ATP8A2: variants seen among roughly 807,000 people sequenced by gnomAD.
ATP8A2 encodes the protein ATPase phospholipid transporting 8A2.
Under a neutral mutation model 165.6 loss-of-function variants are expected in ATP8A2, and 100 were observed. That is an observed-to-expected ratio of 0.60 (90% CI 0.51 to 0.71). The LOEUF is 0.71. Among genes scored for constraint, ATP8A2 ranks in the 30% least tolerant of loss-of-function variants. The pLI, the probability that ATP8A2 is intolerant of heterozygous loss-of-function variation, is 0.00. For synonymous variants in ATP8A2, 543 were observed against 548.8 expected (o/e 0.99, Z 0.15); for missense variants, 1,227 against 1,479.5 (o/e 0.83, Z 2.80).
intron 25 of ATP8A2, among the ~76,000 whole-genome samples, chr13:25,767,598 C>T (rs2044517793): frequency 6.6e-6 from 1 of 152,182 alleles, no homozygotes. Context: ...AGAGTTAGTA[C>T]TCTTAAGTAT....
intron 1 of ATP8A2, among the ~76,000 whole-genome samples, chr13:25,425,048 G>A (rs2034405984): frequency 2.6e-5 from 4 of 152,260 alleles, no homozygotes; most frequent in South Asian, 2.1e-4. Flanking sequence ...CAGTGATGAC[G>A]GTGGAGATTC....
chr13:25,438,752 A>G (rs1211179577), intron 1 of ATP8A2, among the ~76,000 whole-genome samples: 1 of 152,238 alleles, frequency 6.6e-6, no homozygotes, highest in Non-Finnish European at 1.5e-5. Context: ...TAGTAAATTC[A>G]GCCTAGTTGG....
chr13:25,399,464 T>A (rs1372174053), intron 1 of ATP8A2, among the ~76,000 whole-genome samples: 1 of 120,518 alleles, frequency 8.3e-6, no homozygotes, highest in Non-Finnish European at 1.6e-5. Flanking sequence ...AGTGGCGGGA[T>A]CTCGGCTCAC....
rs767227618 is a variant in ATP8A2 at position 25,485,585 on chromosome 13, G to C, written c.221+16464G>C. ...GGAAAACCATTCTAGTCCACAGTGA[G>C]CTGGTGTTGAAAGTTCTTCCTCTGC... On this transcript the variant is annotated intron_variant, in intron 2 of 36. Coordinates refer to ENST00000381655, the MANE Select transcript of ATP8A2 (RefSeq NM_016529.6). 2.5e-4 allele frequency among the ~76,000 whole-genome samples: 38 copies of C among 152,362 alleles called. 1 individual carries two copies. Among genetic ancestry groups the C allele is most frequent in the Non-Finnish European group, 4.0e-4 (27 of 68,036 alleles).
intron 1 of ATP8A2, among the ~76,000 whole-genome samples, chr13:25,439,300 T>C (rs2034865816): frequency 6.6e-6 from 1 of 152,170 alleles, no homozygotes; most frequent in Admixed American, 6.5e-5. Context: ...ACCTGAAATC[T>C]TCCCGGGAGG....
chr13:25,995,477 A>G (rs908881891), intron 35 of ATP8A2, among the ~76,000 whole-genome samples: 9 of 151,824 alleles, frequency 5.9e-5, no homozygotes, highest in Non-Finnish European at 8.8e-5. Flanking sequence ...TTAACCATGT[A>G]CCACAAATTG....
intron 33 of ATP8A2, among the ~76,000 whole-genome samples, chr13:25,881,396 G>A (rs2138853444): frequency 6.6e-6 from 1 of 152,206 alleles, no homozygotes; most frequent in Non-Finnish European, 1.5e-5. Flanking sequence ...TCTCATGTGG[G>A]GTTGCTTTTG....
intron 24 of ATP8A2, among the ~76,000 whole-genome samples, chr13:25,686,701 G>A (rs1197950761): frequency 6.6e-6 from 1 of 152,036 alleles, no homozygotes; most frequent in East Asian, 1.9e-4. Context: ...GTATTTCCTG[G>A]CCACTCAAAT....
chr13:25,619,323 G>T (rs759167668), intron 24 of ATP8A2, among the ~76,000 whole-genome samples: 5 of 152,184 alleles, frequency 3.3e-5, no homozygotes, highest in Admixed American at 6.6e-5. Context: ...AGGACCCTCA[G>T]ACTCTACATT....
Position 25,990,072 on chromosome 13 carries a change from G to T in ATP8A2, c.3377+21393G>T, listed in dbSNP as rs1373881685. ...GAATCTCAGACATGGTTTCAGGGAGGTGCTCCCAGGAGCCTCTGGCAGGAG... is the reference window on the plus strand; with the variant it reads ...GAATCTCAGACATGGTTTCAGGGAGTTGCTCCCAGGAGCCTCTGGCAGGAG... On this transcript the variant is annotated intron_variant, in intron 35 of 36. Transcript: ENST00000381655. 2.0e-5 allele frequency among the ~76,000 whole-genome samples: 3 copies of T among 152,256 alleles called. No homozygotes were observed. The East Asian group carries it at 5.8e-4, about 30-fold the overall frequency.
intron 35 of ATP8A2, among the ~76,000 whole-genome samples, chr13:25,968,990 C>T (rs1205990157): frequency 2.0e-5 from 3 of 152,076 alleles, no homozygotes; most frequent in Non-Finnish European, 2.9e-5. Flanking sequence ...GCAGTATTAC[C>T]ACAGAGGAGT....
chr13:25,912,267 T>C (rs1954134673), intron 33 of ATP8A2, among the ~76,000 whole-genome samples: 1 of 152,070 alleles, frequency 6.6e-6, no homozygotes, highest in Non-Finnish European at 1.5e-5. Context: ...TGGAAAACAT[T>C]ATGCTAAGTG....
At chr13:25,929,324 T>C (rs1214200080) in intron 33 of ATP8A2, among the ~76,000 whole-genome samples, 2 of 152,098 alleles carry the variant, frequency 1.3e-5, no homozygotes. Flanking sequence ...GTGACCATCC[T>C]GGAACGGTGA....
intron 25 of ATP8A2, among the ~76,000 whole-genome samples, chr13:25,722,404 A>G (rs2043401152): frequency 6.6e-6 from 1 of 152,118 alleles, no homozygotes. Context: ...CCCATTCCCT[A>G]TAGGGTGCTG....
In ATP8A2 at chr13:25,687,193, G is replaced by A. The variant is rs1362863882; in HGVS notation, c.2212-11980G>A. Among the ~76,000 whole-genome samples, 3 of 152,094 alleles carry A rather than the reference G, an allele frequency of 2.0e-5. No homozygotes were observed. In the East Asian group the frequency reaches 5.8e-4, roughly 29 times the overall value. ...GGCAGCAGATAGTCCCCAAACAAGG[G>A]GTGGCAAGCATTTCTTCAGCACCTG... On this transcript the variant is annotated intron_variant, in intron 24 of 36. Coordinates refer to ENST00000381655, the MANE Select transcript of ATP8A2 (RefSeq NM_016529.6).
At chr13:25,475,171 C>T (rs1211809180) in intron 2 of ATP8A2, among the ~76,000 whole-genome samples, 1 of 152,028 alleles carries the variant, frequency 6.6e-6, no homozygotes, top group African/African-American at 2.4e-5. Flanking sequence ...CTCCTTCTCC[C>T]ACCCTCCACC....
intron 36 of ATP8A2, among the ~76,000 whole-genome samples, chr13:26,015,377 A>G (rs1231458420): frequency 6.6e-6 from 1 of 152,044 alleles, no homozygotes; most frequent in African/African-American, 2.4e-5. Context: ...GAAAAACTCT[A>G]ATCTTGGTAG....
At position 25,778,944 on chromosome 13, in the gene ATP8A2, C is replaced by G. The variant is rs544959850; in HGVS notation, c.2679+3985C>G. Among the ~76,000 whole-genome samples the G allele has an allele frequency of 5.3e-5, 8 of 152,230 alleles. No individual in the cohort carries two copies. In the South Asian group the frequency reaches 1.7e-3, roughly 32 times the overall value. On this transcript the variant is annotated intron_variant, in intron 27 of 36. Coordinates refer to ENST00000381655, the MANE Select transcript of ATP8A2 (RefSeq NM_016529.6). ...CACACTGAGGATTTTGTCTGTCTCC[C>G]ATAGACGGTGACCAGAATGTCTCAG... is the stretch of plus-strand genomic sequence containing the variant.
chr13:25,792,739 C>T (rs1238450053), intron 27 of ATP8A2, among the ~76,000 whole-genome samples: 5 of 151,354 alleles, frequency 3.3e-5, no homozygotes, highest in African/African-American at 1.2e-4. Context: ...AGTGAGACCT[C>T]ATCTCTACAA....
Sources: allele counts gnomAD v4.1 joint callset (sites outside exome capture counted in the v4.1 genomes callset), GRCh38; gene constraint gnomAD v4.1.1; transcripts MANE v1.5; gene names NCBI Gene and HGNC (gene_info 2026-07-23, HGNC 2026-07-21).